Variants in BCAS3 observed in about 807,000 individuals in gnomAD.
The protein encoded by BCAS3 is BCAS3 microtubule associated cell migration factor, also known as BCAS4/BCAS3 fusion.
In BCAS3, 53 loss-of-function variants were observed where a neutral mutation model predicts 116.1. The observed-to-expected ratio is 0.46, with a 90% CI of 0.37 to 0.57. BCAS3 has a LOEUF of 0.57. Ranked by LOEUF, BCAS3 falls within the 20% of genes least tolerant of loss-of-function variation. The pLI, the probability that BCAS3 is intolerant of heterozygous loss-of-function variation, is 0.00. For synonymous variants in BCAS3, 391 were observed against 408.2 expected (o/e 0.96, Z 0.51); for missense variants, 917 against 1,165.4 (o/e 0.79, Z 3.10).
rs1033312910 is a variant in BCAS3, at chr17:61,388,055, G to A, written c.2594-3922G>A. 7.2e-5 allele frequency among the ~76,000 whole-genome samples: 11 copies of A among 152,212 alleles called. No individual in the cohort carries two copies. Among genetic ancestry groups the A allele is most frequent in the African/African-American group, 2.2e-4 (9 of 41,516 alleles). ...GCTGGGGACACTTCCCTCATTTCCT[G>A]CCACAGAGCCCCCAGCACTCTCTTT... is the stretch of plus-strand genomic sequence containing the variant. On this transcript the variant is annotated intron_variant, in intron 23 of 23. Coordinates refer to ENST00000407086, the MANE Select transcript of BCAS3 (RefSeq NM_017679.5). This position sits in a 1 kb window ranked among gnomAD's most constrained non-coding sequence, Gnocchi z 6.5.
chr17:61,292,281 C>T (rs1471400208), intron 22 of BCAS3, among the ~76,000 whole-genome samples: 2 of 152,130 alleles, frequency 1.3e-5, no homozygotes, highest in African/African-American at 4.8e-5. Flanking sequence ...CACAGCAGCT[C>T]TTGTATTTTT....
chr17:60,814,302 T>TGC (rs58998607), intron 7 of BCAS3, among the ~76,000 whole-genome samples: 9 of 138,752 alleles, frequency 6.5e-5, no homozygotes, highest in African/African-American at 2.1e-4. Flanking sequence ...TGTGTGTGTG[T>TGC]GTGTGCGCGC....
rs915960479 is a variant in BCAS3, at chr17:61,144,475, G to A, written c.2425+59911G>A. On this transcript the variant is annotated intron_variant, in intron 22 of 23. Coordinates refer to ENST00000407086, the MANE Select transcript of BCAS3 (RefSeq NM_017679.5). This position sits in a 1 kb window ranked among gnomAD's most constrained non-coding sequence, Gnocchi z 5.0. ...TCCCTCCAAGCATTCTCTATCTTCT[G>A]GTAATGCAAAAGTGTTAGACATCCA... Among the ~76,000 whole-genome samples the A allele has an allele frequency of 1.3e-5, 2 of 152,128 alleles. No individual in the cohort carries two copies. The highest frequency in any genetic ancestry group is 4.8e-5 in the African/African-American group (2 of 41,416).
In BCAS3 at chr17:61,028,584, GTAAAAGATGGAA is replaced by G. The variant is rs1265205056; in HGVS notation, c.1638-6078_1638-6067del. Among the ~76,000 whole-genome samples the G allele has an allele frequency of 3.9e-5, 6 of 152,002 alleles. No homozygotes were observed. The East Asian group carries it at 1.2e-3, about 29-fold the overall frequency. The stretch of plus-strand genomic sequence containing the variant: ...ATAAAGATTGAAGTTTTGCATAGAA[GTAAAAGATGGAA>G]TAACAACTGTTGTATGTTAAGTAAG... On this transcript the variant is annotated intron_variant, in intron 16 of 23. Coordinates refer to ENST00000407086, the MANE Select transcript of BCAS3 (RefSeq NM_017679.5). This position sits in a 1 kb window ranked among gnomAD's most constrained non-coding sequence, Gnocchi z 4.3.
In BCAS3 at chr17:60,764,643, G is replaced by A. The variant is rs533301626; in HGVS notation, c.403+17364G>A. 1.1e-3 allele frequency among the ~76,000 whole-genome samples: 174 copies of A among 152,252 alleles called. 1 individual carries two copies. The highest frequency in any genetic ancestry group is 3.8e-3 in the African/African-American group (158 of 41,532). On this transcript the variant is annotated intron_variant, in intron 6 of 23. Coordinates refer to ENST00000407086, the MANE Select transcript of BCAS3 (RefSeq NM_017679.5). ...ATGTGGTCAGTTTTGGAATAAGTGCGATGTGGTGCTGAGAACAATGTACAT... is the reference window on the plus strand; with the variant it reads ...ATGTGGTCAGTTTTGGAATAAGTGCAATGTGGTGCTGAGAACAATGTACAT...
chr17:61,308,394 C>T (rs1212888065), intron 22 of BCAS3, among the ~76,000 whole-genome samples: 1 of 151,336 alleles, frequency 6.6e-6, no homozygotes, highest in Non-Finnish European at 1.5e-5. Flanking sequence ...TCACCGCCCC[C>T]TCTAGTGTTC....
Position 61,323,789 on chromosome 17 carries a change from G to A in BCAS3, c.2426-44538G>A, listed in dbSNP as rs909432744. Reference sequence around the variant, plus strand: ...CAGGAGGTCAGTGGCCTGCTGCGGTGCTCAGCTGCTGGTAAGTGATCCAGC... The same window carrying A: ...CAGGAGGTCAGTGGCCTGCTGCGGTACTCAGCTGCTGGTAAGTGATCCAGC... On this transcript the variant is annotated intron_variant, in intron 22 of 23. Coordinates refer to ENST00000407086, the MANE Select transcript of BCAS3 (RefSeq NM_017679.5). The surrounding 1 kb of genome is among the most constrained non-coding windows in gnomAD (Gnocchi z 4.6). Among the ~76,000 whole-genome samples, 1 of 152,214 alleles carries A rather than the reference G, an allele frequency of 6.6e-6. No homozygotes were observed. Among genetic ancestry groups the A allele is most frequent in the African/African-American group, 2.4e-5 (1 of 41,456 alleles).
At position 61,279,757 on chromosome 17, in the gene BCAS3, G is replaced by A. The variant is rs117817636; in HGVS notation, c.2426-88570G>A. On this transcript the variant is annotated intron_variant, in intron 22 of 23. Transcript: ENST00000407086. This position sits in a 1 kb window ranked among gnomAD's most constrained non-coding sequence, Gnocchi z 4.4. ...TGGGCCTCCATGGTGAGGTGGCACTGGTCCCTCTGCTTGAGTGAAGAAAAA... is the reference window on the plus strand; with the variant it reads ...TGGGCCTCCATGGTGAGGTGGCACTAGTCCCTCTGCTTGAGTGAAGAAAAA... Among the ~76,000 whole-genome samples the A allele has an allele frequency of 0.01, 1,558 of 151,722 alleles. 14 individuals carry two copies. The highest frequency in any genetic ancestry group is 0.017 in the South Asian group (79 of 4,778).
chr17:60,877,060 G>A (rs933333366), intron 9 of BCAS3, among the ~76,000 whole-genome samples: 1 of 151,990 alleles, frequency 6.6e-6, no homozygotes, highest in Non-Finnish European at 1.5e-5. Flanking sequence ...TGAAAATGTA[G>A]TGCTTCTCTG....
intron 13 of BCAS3, among the ~76,000 whole-genome samples, chr17:60,932,717 G>A (rs1209226080): frequency 7.0e-6 from 1 of 143,674 alleles, no homozygotes; most frequent in East Asian, 2.0e-4. Context: ...ACTCCAGCCT[G>A]GGCGACAGAG....
intron 6 of BCAS3, among the ~76,000 whole-genome samples, chr17:60,787,045 A>G (rs2046340623): frequency 6.6e-6 from 1 of 152,234 alleles, no homozygotes; most frequent in African/African-American, 2.4e-5. Flanking sequence ...AAGGAACAAA[A>G]GCTCACCTTT....
chr17:61,236,476 T>C (rs566568162), intron 22 of BCAS3, among the ~76,000 whole-genome samples: 3 of 152,218 alleles, frequency 2.0e-5, no homozygotes, highest in South Asian at 2.1e-4. Context: ...CCCGCCACCA[T>C]GCCTGGCTAA....
chr17:61,345,157 G>A (rs914814259), intron 22 of BCAS3, among the ~76,000 whole-genome samples: 2 of 152,192 alleles, frequency 1.3e-5, no homozygotes, highest in African/African-American at 4.8e-5. Context: ...TCTCCAGAAT[G>A]TATTCAGAGG....
Position 61,251,646 on chromosome 17 carries a change from A to T in BCAS3, c.2426-116681A>T, listed in dbSNP as rs2048379783. On this transcript the variant is annotated intron_variant, in intron 22 of 23. Coordinates refer to ENST00000407086, the MANE Select transcript of BCAS3 (RefSeq NM_017679.5). The surrounding 1 kb of genome is among the most constrained non-coding windows in gnomAD (Gnocchi z 4.7). ...TGCCCTTGAGACCTCTGGGTTGATG[A>T]CTGATATGTTGGTCTCTTGGGACAA... Among the ~76,000 whole-genome samples, 1 of 152,062 alleles carries T rather than the reference A, an allele frequency of 6.6e-6. No homozygotes were observed. Among genetic ancestry groups the T allele is most frequent in the Admixed American group, 6.6e-5 (1 of 15,266 alleles).
rs2055864384 is a variant in BCAS3, at chr17:61,327,789, C to T, written c.2426-40538C>T. Among the ~76,000 whole-genome samples, 1 of 152,138 alleles carries T rather than the reference C, an allele frequency of 6.6e-6. No individual in the cohort carries two copies. The highest frequency in any genetic ancestry group is 2.1e-4 in the South Asian group (1 of 4,830). On this transcript the variant is annotated intron_variant, in intron 22 of 23. Coordinates refer to ENST00000407086, the MANE Select transcript of BCAS3 (RefSeq NM_017679.5). The surrounding 1 kb of genome is among the most constrained non-coding windows in gnomAD (Gnocchi z 5.9). The stretch of plus-strand genomic sequence containing the variant: ...CCTCCCAAAGTGGTGGAATTACAGG[C>T]ATGAGCCACTGCGCCCTGCCCAAGA...
At position 61,170,043 on chromosome 17, in the gene BCAS3, C is replaced by T. The variant is rs567143231; in HGVS notation, c.2425+85479C>T. On this transcript the variant is annotated intron_variant, in intron 22 of 23. Transcript: ENST00000407086. Reference sequence around the variant, plus strand: ...CTGATTTTTGTATTTTGAGTAGAGACGGGGTTTCACCACGTTGGCCAGGCT... The same window carrying T: ...CTGATTTTTGTATTTTGAGTAGAGATGGGGTTTCACCACGTTGGCCAGGCT... 6.6e-5 allele frequency among the ~76,000 whole-genome samples: 10 copies of T among 151,444 alleles called. No individual in the cohort carries two copies. The South Asian group carries it at 1.1e-3, about 16-fold the overall frequency.
chr17:60,786,318 A>T (rs1014752178), intron 6 of BCAS3, among the ~76,000 whole-genome samples: 2 of 152,104 alleles, frequency 1.3e-5, no homozygotes, highest in Non-Finnish European at 2.9e-5. Context: ...TTCGGCTTTT[A>T]GCACCTAATT....
intron 6 of BCAS3, among the ~76,000 whole-genome samples, chr17:60,793,547 C>T (rs185094933): frequency 6.9e-4 from 105 of 152,216 alleles, no homozygotes; most frequent in Non-Finnish European, 4.7e-4. Flanking sequence ...TTTTATCCAT[C>T]GCCCCCATCT....
At chr17:61,149,912 AG>A (rs2077451530) in intron 22 of BCAS3, among the ~76,000 whole-genome samples, 1 of 152,244 alleles carries the variant, frequency 6.6e-6, no homozygotes, top group Non-Finnish European at 1.5e-5. Flanking sequence ...TTTTCTTTGA[AG>A]TCTCTGGCCA....
Sources: gnomAD v4.1 joint callset for allele counts (sites outside exome capture counted in the v4.1 genomes callset) on GRCh38, gnomAD v4.1.1 for gene constraint, Gnocchi (gnomAD v3.1) non-coding constraint, MANE v1.5 for transcripts, NCBI Gene and HGNC (gene_info 2026-07-23, HGNC 2026-07-21) for gene names.